COX19: variants seen among roughly 807,000 people sequenced by gnomAD.
COX19 encodes the protein cytochrome c oxidase assembly protein COX19.
COX19 carries 8 observed loss-of-function variants against 6.8 expected under a neutral mutation model. That is an observed-to-expected ratio of 1.18 (90% confidence interval 0.69 to 2.12). The LOEUF is 2.12. Among genes scored for constraint, COX19 ranks in the 30% most tolerant of loss-of-function variants. The pLI is 0.00. For missense variants in COX19, 131 were observed against 104.6 expected (o/e 1.25, Z -1.10); for synonymous variants, 51 against 38.0 (o/e 1.34, Z -1.26).
chr7:970,166 G>A (rs1013939552), intron 2 of COX19, among the ~76,000 whole-genome samples: 25 of 151,594 alleles, frequency 1.6e-4, no homozygotes, highest in African/African-American at 7.3e-5. Flanking sequence ...AAACAGTCTC[G>A]CTCTATTGCC....
At chr7:973,145 T>C (rs1583204055) in intron 2 of COX19, 36 bp downstream of exon 2, 1 of 1,412,168 alleles carries the variant, frequency 7.1e-7, no homozygotes, top group Non-Finnish European at 9.5e-7. Context: ...ATTGGAGTAG[T>C]GGGAGGTGGA....
chr7:975,402 C>G (rs771354041), intron 1 of COX19, 26 bp downstream of exon 1: 5 of 1,557,724 alleles, frequency 3.2e-6, no homozygotes, highest in Non-Finnish European at 1.7e-6. Context: ...TCGCAGACCC[C>G]TGCCCGCCGA....
chr7:965,283 C>T lies in COX19; in HGVS notation c.*4095G>A, dbSNP rs181240328. Among the ~76,000 whole-genome samples the T allele has an allele frequency of 5.9e-5, 9 of 152,230 alleles. No individual in the cohort carries two copies. In the East Asian group the frequency reaches 7.7e-4, roughly 13 times the overall value. On this transcript the variant is annotated 3_prime_UTR_variant, in exon 3 of 3. Coordinates refer to ENST00000344111, the MANE Select transcript of COX19 (RefSeq NM_001031617.3). ...AATAATTTCAGACTTCCAAAAAGTT[C>T]CAAAAATAGGACAGTGTGTATACCC...
chr7:973,408 G>A (rs574802643), intron 1 of COX19, 116 bp from the exon 2 acceptor site: 33 of 1,319,874 alleles, frequency 2.5e-5, no homozygotes, highest in South Asian at 1.7e-4. Context: ...CAGGCCGGGC[G>A]CAGTGGTTCA....
intron 2 of COX19, among the ~76,000 whole-genome samples, chr7:971,020 T>G (rs2128117192): frequency 6.6e-6 from 1 of 152,234 alleles, no homozygotes; most frequent in East Asian, 1.9e-4. Flanking sequence ...TGCCCCCCGA[T>G]CCTGCTGCGT....
intron 1 of COX19, among the ~76,000 whole-genome samples, chr7:973,780 A>C (rs552050858): frequency 1.3e-5 from 2 of 152,132 alleles, no homozygotes; most frequent in African/African-American, 4.8e-5. Flanking sequence ...AGCTCGGCCA[A>C]CTTGGTGAAA....
chr7:966,613 T>G lies in COX19; in HGVS notation c.*2765A>C, dbSNP rs1047027705. ...GCCCTGGTTCCTTTTGGTTACAGAA[T>G]GGTATCAGGGCCAAGACCCTGAGTG... is the stretch of plus-strand genomic sequence containing the variant. On this transcript the variant is annotated 3_prime_UTR_variant, in exon 3 of 3. Coordinates refer to ENST00000344111, the MANE Select transcript of COX19 (RefSeq NM_001031617.3). 7.2e-5 allele frequency: 11 copies of G among 152,290 alleles called. No homozygotes were observed. Among genetic ancestry groups the G allele is most frequent in the African/African-American group, 2.7e-4 (11 of 41,446 alleles). The allele number at this position is 152,290 out of a possible 1,614,324, so 9.4% of individuals were successfully genotyped here. A position where few individuals can be genotyped will look rare whatever the true frequency, so the allele number is the denominator to read the frequency against.
intron 1 of COX19, among the ~76,000 whole-genome samples, chr7:974,031 T>TA (rs971308889): frequency 1.5e-5 from 2 of 135,714 alleles, no homozygotes; most frequent in African/African-American, 5.6e-5. Flanking sequence ...AAATAAAAAA[T>TA]AAAAAAACAA....
intron 2 of COX19, among the ~76,000 whole-genome samples, chr7:969,880 C>T (rs754995148): frequency 5.3e-5 from 8 of 152,120 alleles, no homozygotes; most frequent in East Asian, 1.9e-4. Flanking sequence ...CCACTGTCCA[C>T]GGCACCCTGG....
At chr7:971,464 T>C (rs1360783735) in intron 2 of COX19, among the ~76,000 whole-genome samples, 1 of 152,230 alleles carries the variant, frequency 6.6e-6, no homozygotes, top group East Asian at 1.9e-4. Context: ...CCTCAACTTC[T>C]GTATGTTTGA....
intron 1 of COX19, among the ~76,000 whole-genome samples, 192 bp from the exon 2 acceptor site, chr7:973,484 C>G (rs1407613018): frequency 6.6e-6 from 1 of 152,134 alleles, no homozygotes; most frequent in African/African-American, 2.4e-5. Flanking sequence ...GCCTGGGCAA[C>G]ACAGTGAGAC....
rs994089246 is a variant in COX19 at position 968,447 on chromosome 7, A to G, written c.*931T>C. The G allele has an allele frequency of 6.6e-6, 1 of 152,330 alleles. No individual in the cohort carries two copies. Among genetic ancestry groups the G allele is most frequent in the Non-Finnish European group, 1.5e-5 (1 of 68,118 alleles). 9.4% of individuals were successfully genotyped at this position (152,330 alleles called of 1,614,324 possible). A position where few individuals can be genotyped will look rare whatever the true frequency, so the allele number is the denominator to read the frequency against. ...CACCATCCTCCACTGACCAGACAGG[A>G]GCCAGCCCCTTTCCGACAGTGCCTG... On this transcript the variant is annotated 3_prime_UTR_variant, in exon 3 of 3. Coordinates refer to ENST00000344111, the MANE Select transcript of COX19 (RefSeq NM_001031617.3).
intron 2 of COX19, among the ~76,000 whole-genome samples, chr7:971,799 A>C (rs1847639813): frequency 6.6e-6 from 1 of 152,242 alleles, no homozygotes; most frequent in South Asian, 2.1e-4. Context: ...TGAACCCGGG[A>C]GGCGGAGCTT....
At chr7:975,202 C>A (rs1847688210) in intron 1 of COX19, 1 of 429,110 alleles carries the variant, frequency 2.3e-6, no homozygotes. Context: ...CGCAAGGAGT[C>A]GGTGTCGCTG....
rs1198017892 is a variant in COX19 at position 965,509 on chromosome 7, T to A, written c.*3869A>T. Among the ~76,000 whole-genome samples the A allele has an allele frequency of 6.6e-6, 1 of 152,154 alleles. No individual in the cohort carries two copies. Among genetic ancestry groups the A allele is most frequent in the African/African-American group, 2.4e-5 (1 of 41,424 alleles). ...GGCCTGTGCGGCTCGCTCCCGGCGG[T>A]GGCTGCTGGGTTAAGGGGGCCTCTG... On this transcript the variant is annotated 3_prime_UTR_variant, in exon 3 of 3. Coordinates refer to ENST00000344111, the MANE Select transcript of COX19 (RefSeq NM_001031617.3).
Position 968,836 on chromosome 7 carries a change from G to C in COX19, c.*542C>G, listed in dbSNP as rs190805733. The C allele has an allele frequency of 1.3e-5, 2 of 151,906 alleles. No individual in the cohort carries two copies. Among genetic ancestry groups the C allele is most frequent in the Middle Eastern group, 3.2e-3 (1 of 310 alleles). The allele number at this position is 151,906 out of a possible 1,614,324, so 9.4% of individuals were successfully genotyped here. A position where few individuals can be genotyped will look rare whatever the true frequency, so the allele number is the denominator to read the frequency against. On this transcript the variant is annotated 3_prime_UTR_variant, in exon 3 of 3. Coordinates refer to ENST00000344111, the MANE Select transcript of COX19 (RefSeq NM_001031617.3). ...TGACCCTTTGATTATGAAGCTACTT[G>C]GTGTTCAGGCAAAACCAGAAAGAAT...
chr7:972,997 A>T (rs73257968), intron 2 of COX19, 184 bp downstream of exon 2: 7,042 of 383,802 alleles, frequency 0.018, 426 homozygotes, highest in African/African-American at 0.13. Context: ...CAAGATTGTG[A>T]AACAGCTTTT....
intron 2 of COX19, among the ~76,000 whole-genome samples, chr7:971,667 C>T (rs1216462966): frequency 6.6e-6 from 1 of 152,046 alleles, no homozygotes; most frequent in Non-Finnish European, 1.5e-5. Context: ...GTCAGGAGAT[C>T]CAGACCATCC....
At chr7:971,547 T>C (rs1479863889) in intron 2 of COX19, among the ~76,000 whole-genome samples, 2 of 151,840 alleles carry the variant, frequency 1.3e-5, no homozygotes, top group African/African-American at 4.8e-5. Context: ...GAGCAGAATT[T>C]TTAAAAAGAA....
Sources: allele counts gnomAD v4.1 joint callset (sites outside exome capture counted in the v4.1 genomes callset), GRCh38; gene constraint gnomAD v4.1.1; transcripts MANE v1.5; gene names NCBI Gene and HGNC (gene_info 2026-07-23, HGNC 2026-07-21).